The following FOCAD variants were observed in gnomAD, a reference collection of about 807,000 sequenced individuals.
The protein encoded by FOCAD is KIAA1797.
A neutral mutation model predicts 225.6 loss-of-function variants in FOCAD; 198 were observed. That is an observed-to-expected ratio of 0.88 (90% CI 0.78 to 0.99). The LOEUF (loss-of-function observed/expected upper bound fraction) is 0.99. Among genes scored for constraint, FOCAD ranks in the 50% least tolerant of loss-of-function variants. FOCAD has a pLI of 0.00. For missense variants in FOCAD, 2,713 were observed against 2,123.6 expected (o/e 1.28, Z -5.46); for synonymous variants, 897 against 755.0 (o/e 1.19, Z -3.08).
At chr9:20,748,365 A>G (rs1189234712) in intron 5 of FOCAD, among the ~76,000 whole-genome samples, 2 of 152,072 alleles carry the variant, frequency 1.3e-5, no homozygotes, top group East Asian at 1.9e-4. Flanking sequence ...AGTTGTAGCA[A>G]CTACCTAAGA....
intron 28 of FOCAD, among the ~76,000 whole-genome samples, chr9:20,938,968 A>G (rs994170120): frequency 5.5e-4 from 84 of 151,534 alleles, no homozygotes; most frequent in Admixed American, 5.3e-3. Flanking sequence ...TAAAAATTAA[A>G]TTAAAAATTG....
intron 37 of FOCAD, among the ~76,000 whole-genome samples, chr9:20,978,693 C>T (rs1397925395): frequency 6.6e-6 from 1 of 152,174 alleles, no homozygotes; most frequent in East Asian, 1.9e-4. Context: ...AAATGATGAT[C>T]AGAGATATTA....
intron 1 of FOCAD, among the ~76,000 whole-genome samples, chr9:20,691,704 T>G (rs1822990528): frequency 6.6e-6 from 1 of 151,844 alleles, no homozygotes; most frequent in African/African-American, 2.4e-5. Context: ...ATGGTCTCGA[T>G]TTCCTAACCT....
chr9:20,823,030 A>G lies in FOCAD; in HGVS notation c.1835A>G (p.Gln612Arg). The G allele has an allele frequency of 5.0e-6, 8 of 1,607,902 alleles. No individual in the cohort carries two copies. The highest frequency in any genetic ancestry group is 6.8e-6 in the Non-Finnish European group (8 of 1,177,732). Residue 612 changes from glutamine (Q) to arginine (R), a missense_variant, in exon 15 of 44, where the codon CAA becomes CGA. Coordinates refer to ENST00000338382, the MANE Select transcript of FOCAD (RefSeq NM_001375567.1). ...GCAGATATGTTGGCAGCTATTTCTC[A>G]AGTGTTGAATGAATGCACCAAGCCT... ...HGADMLAAIS[Q>R]VLNECTKPDQ...
At chr9:20,866,480 C>T (rs1458559128) in intron 17 of FOCAD, among the ~76,000 whole-genome samples, 3 of 152,022 alleles carry the variant, frequency 2.0e-5, no homozygotes, top group Non-Finnish European at 4.4e-5. Context: ...ACAGTAACTC[C>T]TTGTTCTCCT....
At chr9:20,946,953 T>A (rs7851042) in intron 30 of FOCAD, 133 bp downstream of exon 30, 1 of 1,110,638 alleles carries the variant, frequency 9.0e-7, no homozygotes, top group African/African-American at 1.6e-5. Flanking sequence ...CTAACTATTC[T>A]CTTTTCTCAC....
chr9:20,880,032 T>A (rs1025564595), intron 19 of FOCAD, among the ~76,000 whole-genome samples: 6 of 152,182 alleles, frequency 3.9e-5, no homozygotes, highest in African/African-American at 1.4e-4. Flanking sequence ...AGTCTATAAT[T>A]ATACCCACTT....
intron 4 of FOCAD, among the ~76,000 whole-genome samples, chr9:20,723,022 C>G (rs73647621): frequency 0.041 from 6,244 of 152,196 alleles, 418 homozygotes; most frequent in African/African-American, 0.14. Context: ...ACCTTTAATT[C>G]TAGAAGATAA....
At chr9:20,786,181 A>G (rs948137282) in intron 10 of FOCAD, among the ~76,000 whole-genome samples, 4 of 152,134 alleles carry the variant, frequency 2.6e-5, no homozygotes, top group African/African-American at 9.7e-5. Context: ...TTTTGGCACA[A>G]TATTTTATCA....
At chr9:20,663,983 G>T (rs2383147) in intron 2 of FOCAD, among the ~76,000 whole-genome samples, 92,300 of 151,750 alleles carry the variant, frequency 0.61, 28,480 homozygotes, top group South Asian at 0.74. Flanking sequence ...TACCTATTTT[G>T]TGTTGTTATT....
chr9:20,828,800 C>T (rs541158125), intron 15 of FOCAD, among the ~76,000 whole-genome samples: 1 of 152,070 alleles, frequency 6.6e-6, no homozygotes, highest in African/African-American at 2.4e-5. Context: ...AACCCCTCCC[C>T]TGACAGTTCT....
intron 21 of FOCAD, among the ~76,000 whole-genome samples, chr9:20,892,363 T>C (rs964532870): frequency 3.9e-5 from 6 of 152,182 alleles, no homozygotes; most frequent in African/African-American, 1.4e-4. Context: ...AGAAATAAAT[T>C]GAAAACCTTC....
chr9:20,774,391 TATTA>T (rs1055123387), intron 8 of FOCAD, among the ~76,000 whole-genome samples: 7 of 152,230 alleles, frequency 4.6e-5, no homozygotes, highest in Admixed American at 4.6e-4. Context: ...TGCCTAGTTC[TATTA>T]ATTCATTAGG....
At chr9:20,860,991 G>T (rs1828725416) in intron 15 of FOCAD, among the ~76,000 whole-genome samples, 1 of 151,912 alleles carries the variant, frequency 6.6e-6, no homozygotes, top group African/African-American at 2.4e-5. Flanking sequence ...GTTGTTTTTT[G>T]TTTGACTTTT....
intron 15 of FOCAD, among the ~76,000 whole-genome samples, chr9:20,838,251 A>G (rs921001675): frequency 2.6e-5 from 4 of 151,770 alleles, no homozygotes; most frequent in African/African-American, 9.7e-5. Context: ...TGTGATTTAG[A>G]TGACATTATA....
intron 11 of FOCAD, among the ~76,000 whole-genome samples, chr9:20,795,379 A>G (rs1268087716): frequency 1.3e-5 from 2 of 152,244 alleles, no homozygotes; most frequent in Admixed American, 6.5e-5. Flanking sequence ...CTTATCACAG[A>G]AAGGCTCGTA....
chr9:20,881,039 T>C (rs1042934271), intron 19 of FOCAD, among the ~76,000 whole-genome samples: 2 of 152,190 alleles, frequency 1.3e-5, no homozygotes, highest in African/African-American at 4.8e-5. Flanking sequence ...GATAAAGATC[T>C]TGGGCTTAAT....
intron 1 of FOCAD, among the ~76,000 whole-genome samples, chr9:20,689,385 T>C (rs1213255959): frequency 1.3e-5 from 2 of 151,142 alleles, no homozygotes; most frequent in Non-Finnish European, 2.9e-5. Context: ...TTAGATTGCC[T>C]ATGGTGGTGA....
rs549502952 is a variant in FOCAD at position 20,745,185 on chromosome 9, C to T, written c.392+4845C>T. 5.1e-3 allele frequency among the ~76,000 whole-genome samples: 779 copies of T among 151,924 alleles called. 5 individuals are homozygous for T. The highest frequency in any genetic ancestry group is 7.2e-3 in the Non-Finnish European group (490 of 67,958). ...AGTGCAGTGGTGCAGTCTTGGCTCACTGCAACCTCTGCCTCCCAGGCTCAA... is the reference window on the plus strand; with the variant it reads ...AGTGCAGTGGTGCAGTCTTGGCTCATTGCAACCTCTGCCTCCCAGGCTCAA... On this transcript the variant is annotated intron_variant, in intron 5 of 43. Transcript: ENST00000338382.
Sources: allele counts gnomAD v4.1 joint callset (sites outside exome capture counted in the v4.1 genomes callset), GRCh38; gene constraint gnomAD v4.1.1; transcripts MANE v1.5; gene names NCBI Gene and HGNC (gene_info 2026-07-23, HGNC 2026-07-21).